KCNH5: variants seen among roughly 807,000 people sequenced by gnomAD.
KCNH5 encodes the protein potassium voltage-gated channel subfamily H member 5.
Under a neutral mutation model 96.1 loss-of-function variants are expected in KCNH5, and 46 were observed. The observed-to-expected ratio is 0.48, with a 90% CI of 0.38 to 0.61. The LOEUF is 0.61. Ranked by LOEUF, KCNH5 falls within the 20% of genes least tolerant of loss-of-function variation. KCNH5 has a pLI of 0.00. For missense variants in KCNH5, 907 were observed against 1,225.8 expected (o/e 0.74, Z 3.88); for synonymous variants, 439 against 449.8 (o/e 0.98, Z 0.30).
intron 1 of KCNH5, among the ~76,000 whole-genome samples, chr14:63,032,848 G>A (rs1427045722): frequency 3.3e-5 from 5 of 152,130 alleles, no homozygotes; most frequent in South Asian, 2.1e-4. Flanking sequence ...AGATGACAGC[G>A]ATGATGCAGA....
At chr14:62,831,876 T>G (rs1291336872) in intron 8 of KCNH5, among the ~76,000 whole-genome samples, 1 of 151,766 alleles carries the variant, frequency 6.6e-6, no homozygotes, top group Non-Finnish European at 1.5e-5. Context: ...GTCTGGCTAG[T>G]TTTTTTTCTT....
intron 7 of KCNH5, among the ~76,000 whole-genome samples, chr14:62,875,265 C>T (rs1483064479): frequency 6.6e-6 from 1 of 151,488 alleles, no homozygotes; most frequent in Admixed American, 6.6e-5. Context: ...GGCCATACTG[C>T]CCAAGGTAAT....
intron 7 of KCNH5, among the ~76,000 whole-genome samples, chr14:62,854,677 G>A (rs998909468): frequency 6.6e-6 from 1 of 151,748 alleles, no homozygotes; most frequent in Non-Finnish European, 1.5e-5. Context: ...TTTCATAAGG[G>A]TCTTTTTATA....
At chr14:62,767,356 A>T (rs1885882691) in intron 10 of KCNH5, among the ~76,000 whole-genome samples, 1 of 152,240 alleles carries the variant, frequency 6.6e-6, no homozygotes, top group Admixed American at 6.5e-5. Context: ...TCATTCTACC[A>T]TAAAGACACA....
chr14:62,709,089 C>T (rs1884509790), intron 10 of KCNH5, among the ~76,000 whole-genome samples: 1 of 151,350 alleles, frequency 6.6e-6, no homozygotes, highest in Non-Finnish European at 1.5e-5. Context: ...AAAAATTAGC[C>T]GGGCGCAGTG....
At chr14:62,889,815 G>A (rs1888669183) in intron 7 of KCNH5, among the ~76,000 whole-genome samples, 1 of 152,188 alleles carries the variant, frequency 6.6e-6, no homozygotes, top group Non-Finnish European at 1.5e-5. Context: ...AACTACATAG[G>A]AGAGAAGCTA....
chr14:62,881,772 T>C (rs1200924605), intron 7 of KCNH5, among the ~76,000 whole-genome samples: 3 of 152,074 alleles, frequency 2.0e-5, no homozygotes, highest in African/African-American at 7.2e-5. Flanking sequence ...AAAAAGAATA[T>C]TCAGATTAAA....
At chr14:62,815,283 G>A (rs1280897074) in intron 8 of KCNH5, among the ~76,000 whole-genome samples, 1 of 152,138 alleles carries the variant, frequency 6.6e-6, no homozygotes, top group Non-Finnish European at 1.5e-5. Flanking sequence ...GAGGGCCAGA[G>A]TTGGTTAATT....
At chr14:62,983,411 T>C (rs1297699591) in intron 5 of KCNH5, among the ~76,000 whole-genome samples, 1 of 151,842 alleles carries the variant, frequency 6.6e-6, no homozygotes, top group Non-Finnish European at 1.5e-5. Flanking sequence ...TATATATACA[T>C]ATATATACAT....
rs1555360130 is a variant in KCNH5 at position 62,853,458 on chromosome 14, T to TATATATATATATATATATATATATC, written c.1370-3607_1370-3606insGATATATATATATATATATATATAT. On this transcript the variant is annotated intron_variant, in intron 7 of 10. Coordinates refer to ENST00000322893, the MANE Select transcript of KCNH5 (RefSeq NM_139318.5). ...ATTTCCCAAACAAAAAGAATAATCA[T>TATATATATATATATATATATATATC]ATATATATATATATATATATATCAT... 9.6e-4 allele frequency among the ~76,000 whole-genome samples: 42 copies of TATATATATATATATATATATATATC among 43,954 alleles called. 1 individual carries two copies. The highest frequency in any genetic ancestry group is 0.011 in the Middle Eastern group (1 of 88). The allele number at this position is 43,954 out of a possible 152,430, so 28.8% of individuals were successfully genotyped here.
intron 7 of KCNH5, among the ~76,000 whole-genome samples, chr14:62,934,072 G>A (rs1889630337): frequency 6.6e-6 from 1 of 151,886 alleles, no homozygotes; most frequent in African/African-American, 2.4e-5. Flanking sequence ...AGAAGCTACT[G>A]AAATCTCCCT....
intron 6 of KCNH5, among the ~76,000 whole-genome samples, chr14:62,976,111 A>G (rs2139562508): frequency 6.6e-6 from 1 of 151,472 alleles, no homozygotes; most frequent in Middle Eastern, 3.4e-3. Context: ...AAAAAAAAAA[A>G]GGAAATTGGC....
chr14:62,718,635 G>A (rs963996344), intron 10 of KCNH5, among the ~76,000 whole-genome samples: 1 of 152,190 alleles, frequency 6.6e-6, no homozygotes, highest in Admixed American at 6.5e-5. Flanking sequence ...CATAGCTTCT[G>A]TGGAAAACAG....
intron 10 of KCNH5, among the ~76,000 whole-genome samples, chr14:62,777,971 T>C (rs1886133704): frequency 6.6e-6 from 1 of 152,168 alleles, no homozygotes; most frequent in South Asian, 2.1e-4. Context: ...CACTTGGTTG[T>C]TTGATATTAA....
intron 10 of KCNH5, among the ~76,000 whole-genome samples, chr14:62,716,437 T>C (rs992944142): frequency 5.9e-5 from 9 of 152,182 alleles, no homozygotes; most frequent in Non-Finnish European, 1.0e-4. Flanking sequence ...GGTCCAGCCC[T>C]ACCTACTTCT....
intron 10 of KCNH5, among the ~76,000 whole-genome samples, chr14:62,759,163 G>T (rs1397984861): frequency 2.0e-5 from 3 of 151,998 alleles, no homozygotes; most frequent in African/African-American, 4.8e-5. Context: ...TTATAGTCCT[G>T]GTCACTTGTA....
chr14:62,964,602 C>T (rs1890271128), intron 6 of KCNH5, among the ~76,000 whole-genome samples: 1 of 152,090 alleles, frequency 6.6e-6, no homozygotes, highest in Non-Finnish European at 1.5e-5. Flanking sequence ...ATCCTGACTT[C>T]CCTTTTCTTA....
At chr14:62,718,698 TCTACTC>T (rs1884739768) in intron 10 of KCNH5, among the ~76,000 whole-genome samples, 1 of 152,128 alleles carries the variant, frequency 6.6e-6, no homozygotes, top group African/African-American at 2.4e-5. Flanking sequence ...ACCCAGCAAT[TCTACTC>T]CTATATAGCC....
Position 62,846,962 on chromosome 14 carries a change from G to A in KCNH5, c.1569+2691C>T, listed in dbSNP as rs188972330. Among the ~76,000 whole-genome samples, 577 of 148,290 alleles carry A rather than the reference G, an allele frequency of 3.9e-3. 2 individuals are homozygous for A. The highest frequency in any genetic ancestry group is 7.2e-3 in the South Asian group (34 of 4,742). ...ACTACAGGCGCCCGCCAGCACGCCC[G>A]GCTAATTTTTTTTATTTTTAGTAGA... On this transcript the variant is annotated intron_variant, in intron 8 of 10. Coordinates refer to ENST00000322893, the MANE Select transcript of KCNH5 (RefSeq NM_139318.5).
Sources: gnomAD v4.1 joint callset for allele counts (sites outside exome capture counted in the v4.1 genomes callset) on GRCh38, gnomAD v4.1.1 for gene constraint, MANE v1.5 for transcripts, NCBI Gene and HGNC (gene_info 2026-07-23, HGNC 2026-07-21) for gene names.